The following SNX10 variants were observed in gnomAD, a reference collection of about 807,000 sequenced individuals.
The protein encoded by SNX10 is sorting nexin-10.
Under a neutral mutation model 28.5 loss-of-function variants are expected in SNX10, and 25 were observed. The ratio of observed to expected loss-of-function variants is 0.88; its 90% CI spans 0.64 to 1.22. The LOEUF (loss-of-function observed/expected upper bound fraction) is 1.22, where lower values mean the gene tolerates loss of function less well. Ranked by LOEUF, SNX10 falls within the 50% of genes most tolerant of loss-of-function variation. The pLI, the probability that SNX10 is intolerant of heterozygous loss-of-function variation, is 0.00. For missense variants in SNX10, 223 were observed against 242.6 expected, an observed-to-expected ratio of 0.92 and a Z score of 0.54; for synonymous variants, 62 against 81.4, an observed-to-expected ratio of 0.76 and a Z score of 1.28.
chr7:26,369,280 ATTTG>A (rs1298408687), intron 5 of SNX10, among the ~76,000 whole-genome samples: 1 of 152,180 alleles, frequency 6.6e-6, no homozygotes, highest in East Asian at 1.9e-4. Flanking sequence ...GGGCTATTAG[ATTTG>A]TTTGTGGAAA....
chr7:26,348,561 G>A (rs987516332), intron 2 of SNX10, among the ~76,000 whole-genome samples: 3 of 152,232 alleles, frequency 2.0e-5, no homozygotes, highest in African/African-American at 7.2e-5. Flanking sequence ...TCCTCCCAAA[G>A]GAGCCATGGG....
intron 1 of SNX10, among the ~76,000 whole-genome samples, chr7:26,328,107 C>G (rs1787575414): frequency 1.3e-5 from 2 of 152,140 alleles, no homozygotes; most frequent in South Asian, 4.1e-4. Context: ...GGAATGTACC[C>G]TTCTTCCAGC....
At chr7:26,299,254 G>A (rs1786229374) in intron 1 of SNX10, among the ~76,000 whole-genome samples, 2 of 151,990 alleles carry the variant, frequency 1.3e-5, no homozygotes, top group Non-Finnish European at 2.9e-5. Flanking sequence ...GGAGTGCGGT[G>A]GTGCGATCTC....
At chr7:26,329,394 C>A (rs1277706184) in intron 1 of SNX10, among the ~76,000 whole-genome samples, 1 of 152,248 alleles carries the variant, frequency 6.6e-6, no homozygotes, top group Non-Finnish European at 1.5e-5. Flanking sequence ...CTCTGAGAAG[C>A]CTTCCCTGAC....
At chr7:26,338,674 G>A (rs1007915109) in intron 1 of SNX10, among the ~76,000 whole-genome samples, 2 of 152,200 alleles carry the variant, frequency 1.3e-5, no homozygotes, top group African/African-American at 4.8e-5. Flanking sequence ...AAAGTGCTGG[G>A]ATTACAGGTG....
chr7:26,372,441 T>G (rs1789594308), intron 6 of SNX10, 50 bp from the exon 7 acceptor site: 4 of 1,208,018 alleles, frequency 3.3e-6, no homozygotes, highest in African/African-American at 1.5e-5. Flanking sequence ...GAGTGTGTTG[T>G]GAAAACCAAT....
At position 26,364,901 on chromosome 7, in the gene SNX10, T is replaced by C. The variant is rs1004842357; in HGVS notation, c.213-146T>C. 11 of 599,642 alleles carry C rather than the reference T, an allele frequency of 1.8e-5. No homozygotes were observed. In the Admixed American group the frequency reaches 2.4e-4, roughly 13 times the overall value. 37.1% of individuals were successfully genotyped at this position (599,642 alleles called of 1,614,324 possible). ...AGCTGACTTCCTGATACCCTTATTATATAACTATATAATGTATAATCATAA... is the reference window on the plus strand; with the variant it reads ...AGCTGACTTCCTGATACCCTTATTACATAACTATATAATGTATAATCATAA... On this transcript the variant is annotated intron_variant, in intron 4 of 6. Transcript: ENST00000338523. The surrounding 1 kb of genome is among the most constrained non-coding windows in gnomAD (Gnocchi z 4.9).
chr7:26,322,964 T>A (rs1270476026), intron 1 of SNX10, among the ~76,000 whole-genome samples: 1 of 152,132 alleles, frequency 6.6e-6, no homozygotes, highest in Non-Finnish European at 1.5e-5. Context: ...GATAAAATAG[T>A]GGACCGGGTA....
At chr7:26,342,684 T>G (rs755181921) in intron 1 of SNX10, among the ~76,000 whole-genome samples, 13 of 152,218 alleles carry the variant, frequency 8.5e-5, no homozygotes, top group Non-Finnish European at 1.5e-4. Flanking sequence ...GAAAATGACA[T>G]GATCACCATT....
chr7:26,355,967 A>T (rs866988014), intron 2 of SNX10, among the ~76,000 whole-genome samples: 22 of 152,352 alleles, frequency 1.4e-4, no homozygotes, highest in Admixed American at 7.2e-4. Flanking sequence ...TGAAGAAAAC[A>T]TTTGTGAAAC....
intron 1 of SNX10, among the ~76,000 whole-genome samples, chr7:26,309,946 T>G (rs1786755946): frequency 1.3e-5 from 2 of 152,232 alleles, no homozygotes; most frequent in Admixed American, 1.3e-4. Flanking sequence ...GTTGCAAGCT[T>G]TGCACGGTGT....
chr7:26,294,873 C>T (rs962122415), intron 1 of SNX10, among the ~76,000 whole-genome samples: 4 of 152,146 alleles, frequency 2.6e-5, no homozygotes, highest in African/African-American at 9.7e-5. Flanking sequence ...AATGCGAGAG[C>T]CAAAATTTGA....
chr7:26,337,169 A>G (rs556708290), intron 1 of SNX10, among the ~76,000 whole-genome samples: 1 of 152,200 alleles, frequency 6.6e-6, no homozygotes, highest in Admixed American at 6.6e-5. Context: ...TTTTATTTGC[A>G]CTTCTGTTAA....
intron 1 of SNX10, among the ~76,000 whole-genome samples, chr7:26,324,240 G>A (rs1412979591): frequency 6.6e-6 from 1 of 151,092 alleles, no homozygotes; most frequent in Non-Finnish European, 1.5e-5. Context: ...AAACGCTTAT[G>A]ATTATATCAA....
chr7:26,356,378 G>A (rs1304207478), intron 2 of SNX10, among the ~76,000 whole-genome samples: 1 of 152,126 alleles, frequency 6.6e-6, no homozygotes, highest in Non-Finnish European at 1.5e-5. Context: ...ATTTTCCTAG[G>A]AAATCCATAT....
intron 3 of SNX10, among the ~76,000 whole-genome samples, chr7:26,362,861 G>A (rs1481966421): frequency 1.3e-5 from 2 of 152,170 alleles, no homozygotes; most frequent in Non-Finnish European, 2.9e-5. Context: ...CCCTGAACCT[G>A]CCCTGCAAAT....
At chr7:26,360,732 C>T in intron 2 of SNX10, 1 of 907,370 alleles carries the variant, frequency 1.1e-6, no homozygotes, top group East Asian at 3.8e-5. Context: ...GTAAAACTAT[C>T]CAGAAGTGCT....
At chr7:26,355,207 C>T (rs1046502697) in intron 2 of SNX10, among the ~76,000 whole-genome samples, 9 of 152,178 alleles carry the variant, frequency 5.9e-5, no homozygotes, top group Admixed American at 6.5e-5. Flanking sequence ...GTCTATCCCT[C>T]TCTAGGACTC....
chr7:26,306,933 G>C (rs1786620400), intron 1 of SNX10, among the ~76,000 whole-genome samples: 1 of 152,138 alleles, frequency 6.6e-6, no homozygotes, highest in African/African-American at 2.4e-5. Context: ...GAAGTAATTT[G>C]GGAAAGGGCA....
Sources: gnomAD v4.1 joint callset for allele counts (sites outside exome capture counted in the v4.1 genomes callset) on GRCh38, gnomAD v4.1.1 for gene constraint, Gnocchi (gnomAD v3.1) non-coding constraint, MANE v1.5 for transcripts, NCBI Gene and HGNC (gene_info 2026-07-23, HGNC 2026-07-21) for gene names.